The following OVOL2 variants were observed in gnomAD, a reference collection of about 807,000 sequenced individuals.
The protein encoded by OVOL2 is ovo like zinc finger 2, also known as transcription factor Ovo-like 2.
OVOL2 carries 13 observed loss-of-function variants against 18.1 expected under a neutral mutation model. That is an observed-to-expected ratio of 0.72 (90% CI 0.47 to 1.14). OVOL2 has a LOEUF of 1.14. Ranked by LOEUF, OVOL2 falls within the 50% of genes most tolerant of loss-of-function variation. OVOL2 has a pLI of 0.00. For missense variants in OVOL2, 335 were observed against 383.0 expected (o/e 0.87, Z 1.05); for synonymous variants, 166 against 162.7 (o/e 1.02, Z -0.16).
intron 3 of OVOL2, among the ~76,000 whole-genome samples, chr20:18,032,497 C>A (rs956035288): frequency 1.4e-5 from 2 of 146,788 alleles, no homozygotes; most frequent in Non-Finnish European, 1.5e-5. Flanking sequence ...GTCATGATTT[C>A]TTTTATTATT....
chr20:18,057,399 A>T lies in OVOL2; in HGVS notation c.100+136T>A. On this transcript the variant is annotated intron_variant, in intron 1 of 3. Transcript: ENST00000278780. The surrounding 1 kb of genome is among the most constrained non-coding windows in gnomAD (Gnocchi z 6.3). ...CCTCATTGCCTGCCCTAACCCGCCT[A>T]GAAGACCCCCGCGTGCCCCCCGGAA... The T allele has an allele frequency of 9.7e-7, 1 of 1,034,256 alleles. No individual in the cohort carries two copies. The highest frequency in any genetic ancestry group is 1.4e-6 in the Non-Finnish European group (1 of 720,312). The allele number at this position is 1,034,256 out of a possible 1,614,324, so 64.1% of individuals were successfully genotyped here.
rs558680640 is a variant in OVOL2 at position 18,045,524 on chromosome 20, T to G, written c.322-3801A>C. On this transcript the variant is annotated intron_variant, in intron 2 of 3. Transcript: ENST00000278780. ...AAAATCTCAAATCGTCGGTATTATTTTGTTTGAAAAGAATAAGATCTTGAA... is the reference window on the plus strand; with the variant it reads ...AAAATCTCAAATCGTCGGTATTATTGTGTTTGAAAAGAATAAGATCTTGAA... Among the ~76,000 whole-genome samples the G allele has an allele frequency of 2.0e-5, 3 of 152,328 alleles. 1 individual carries two copies. In the South Asian group the frequency reaches 6.2e-4, roughly 32 times the overall value.
chr20:18,050,552 C>A (rs894986334), intron 2 of OVOL2: 2 of 152,192 alleles, frequency 1.3e-5, no homozygotes, highest in Admixed American at 1.3e-4. Flanking sequence ...ACAATAAAAA[C>A]CTACTTCACC....
chr20:18,045,392 C>T (rs1196585965), intron 2 of OVOL2, among the ~76,000 whole-genome samples: 1 of 152,220 alleles, frequency 6.6e-6, no homozygotes, highest in Non-Finnish European at 1.5e-5. Context: ...CCTAAGGACT[C>T]ACCAACCATA....
chr20:18,053,178 A>G (rs1442412874), intron 2 of OVOL2, among the ~76,000 whole-genome samples: 1 of 152,234 alleles, frequency 6.6e-6, no homozygotes, highest in Non-Finnish European at 1.5e-5. Flanking sequence ...AGTGAATCCC[A>G]TGTCCTTACA....
intron 3 of OVOL2, among the ~76,000 whole-genome samples, chr20:18,025,710 G>A (rs2036507646): frequency 6.6e-6 from 1 of 152,196 alleles, no homozygotes; most frequent in Admixed American, 6.5e-5. Context: ...CCAGTAGAGG[G>A]GAAGCTACCC....
intron 2 of OVOL2, among the ~76,000 whole-genome samples, chr20:18,049,373 A>G (rs1384353911): frequency 6.6e-6 from 1 of 152,068 alleles, no homozygotes; most frequent in Non-Finnish European, 1.5e-5. Context: ...AACAACTTTT[A>G]TTTTCTGTTG....
upstream of OVOL2, chr20:18,057,989 G>C: frequency 1.5e-6 from 1 of 650,696 alleles, no homozygotes; most frequent in Non-Finnish European, 2.1e-6. The surrounding 1 kb of genome is among the most constrained non-coding windows in gnomAD (Gnocchi z 6.3). Context: ...TCCGGCGGCC[G>C]GGGCTGCCTG....
At position 18,041,575 on chromosome 20, in the gene OVOL2, T is replaced by C; in HGVS notation, c.470A>G (p.Asn157Ser). 1 of 1,614,036 alleles carries C rather than the reference T, an allele frequency of 6.2e-7. No individual in the cohort carries two copies. The highest frequency in any genetic ancestry group is 8.5e-7 in the Non-Finnish European group (1 of 1,179,950). ...HLCTFCGKGF[N>S]DTFDLKRHVR... ...GTGCCTCTTCAGGTCGAAGGTGTCG[T>C]TGAAGCCCTTGCCGCAGAAGGTGCA... Residue 157 changes from asparagine to serine, a missense_variant, in exon 3 of 4, where the codon AAC becomes AGC. Physicochemically the swap from Asn to Ser is conservative, Grantham distance 46 (BLOSUM62 1). Transcript: ENST00000278780.
intron 2 of OVOL2, among the ~76,000 whole-genome samples, chr20:18,045,653 A>AT (rs902619163): frequency 5.9e-5 from 9 of 151,902 alleles, no homozygotes; most frequent in Non-Finnish European, 1.3e-4. Context: ...TTTGTTTTTA[A>AT]TTTTTTTTAG....
At chr20:18,025,050 T>A in intron 3 of OVOL2, 98 bp from the exon 4 acceptor site, 1 of 1,384,798 alleles carries the variant, frequency 7.2e-7, no homozygotes, top group Non-Finnish European at 9.9e-7. Context: ...GACCAAGGAT[T>A]CATGGCAGCA....
chr20:18,050,591 A>G (rs1161747404), intron 2 of OVOL2: 1 of 152,262 alleles, frequency 6.6e-6, no homozygotes, highest in Non-Finnish European at 1.5e-5. Flanking sequence ...CAGGCAATTA[A>G]TACACATTGT....
chr20:18,051,182 C>T (rs1271801597), intron 2 of OVOL2, among the ~76,000 whole-genome samples: 1 of 151,730 alleles, frequency 6.6e-6, no homozygotes, highest in Non-Finnish European at 1.5e-5. Flanking sequence ...TTGAGACCAG[C>T]CTGGGCAACA....
At chr20:18,028,856 A>T (rs2036542703) in intron 3 of OVOL2, among the ~76,000 whole-genome samples, 1 of 152,130 alleles carries the variant, frequency 6.6e-6, no homozygotes, top group Non-Finnish European at 1.5e-5. Flanking sequence ...AGTTGTTTAA[A>T]TTTAAAAGTA....
rs1555796511 is a variant in OVOL2, at chr20:18,054,778, A to AAAAG, written c.321+1878_321+1879insCTTT. The stretch of plus-strand genomic sequence containing the variant: ...CGAAACTCCATCTCAAAAAAAAAAA[A>AAAAG]AAAAGAAAGAAAAGAAAAGAAAAGA... On this transcript the variant is annotated intron_variant, in intron 2 of 3. Transcript: ENST00000278780. Among the ~76,000 whole-genome samples, 106 of 140,406 alleles carry AAAAG rather than the reference A, an allele frequency of 7.5e-4. 2 individuals carry two copies. In the Middle Eastern group the frequency reaches 0.011, roughly 14 times the overall value. 92.1% of individuals were successfully genotyped at this position (140,406 alleles called of 152,430 possible).
chr20:18,024,747 G>T lies in OVOL2; in HGVS notation c.717C>A (p.Gly239=). 1 of 1,614,196 alleles carries T rather than the reference G, an allele frequency of 6.2e-7. No individual in the cohort carries two copies. Among genetic ancestry groups the T allele is most frequent in the Admixed American group, 1.7e-5 (1 of 60,016 alleles). ...TAGATGTCTTTTTGAGAAACGAGCTGCCCGGATGGGCACTGTTCACGTGCA... is the reference window on the plus strand; with the variant it reads ...TAGATGTCTTTTTGAGAAACGAGCTTCCCGGATGGGCACTGTTCACGTGCA... ...LYLHVNSAHP[G]SSFLKKTSKK... is the part of the protein sequence containing the mutation. Residue 239 remains glycine, a synonymous_variant, in exon 4 of 4, where the codon GGC becomes GGA. Transcript: ENST00000278780.
chr20:18,036,064 C>A (rs967832022), intron 3 of OVOL2, among the ~76,000 whole-genome samples: 1 of 152,060 alleles, frequency 6.6e-6, no homozygotes, highest in African/African-American at 2.4e-5. Context: ...GAGGCTGAGG[C>A]GGGCAGATCA....
chr20:18,040,891 C>G (rs2036661610), intron 3 of OVOL2, among the ~76,000 whole-genome samples: 1 of 152,198 alleles, frequency 6.6e-6, no homozygotes, highest in African/African-American at 2.4e-5. Flanking sequence ...CATTGTGGGG[C>G]CACAAGAACC....
intron 3 of OVOL2, among the ~76,000 whole-genome samples, chr20:18,032,010 G>C (rs1404381545): frequency 2.6e-5 from 4 of 152,150 alleles, no homozygotes; most frequent in Non-Finnish European, 5.9e-5. Context: ...AGGCATGCTT[G>C]TGGGAGTGGA....
Sources: allele counts gnomAD v4.1 joint callset (sites outside exome capture counted in the v4.1 genomes callset), GRCh38; gene constraint gnomAD v4.1.1; non-coding constraint Gnocchi (gnomAD v3.1); transcripts MANE v1.5; gene names NCBI Gene and HGNC (gene_info 2026-07-23, HGNC 2026-07-21).